Variants in ADGRV1 observed in about 807,000 individuals in gnomAD.
ADGRV1 encodes adhesion G protein-coupled receptor V1, also known as G-protein coupled receptor 98.
A neutral mutation model predicts 596.2 loss-of-function variants in ADGRV1; 359 were observed. The observed-to-expected ratio is 0.60, with a 90% CI of 0.55 to 0.66. ADGRV1 has a LOEUF of 0.66. ADGRV1 is among the 30% of genes least tolerant of loss of function. The pLI is 0.00. For missense variants in ADGRV1, 7,274 were observed against 7,575.6 expected (o/e 0.96, Z 1.48); for synonymous variants, 2,681 against 2,679.2 (o/e 1.00, Z -0.02).
chr5:90,933,405 T>G (rs1421910977), intron 83 of ADGRV1, among the ~76,000 whole-genome samples: 1 of 152,134 alleles, frequency 6.6e-6, no homozygotes, highest in Non-Finnish European at 1.5e-5. Context: ...GGAAGAAAGC[T>G]ATGCATGTAG....
chr5:90,671,648 G>T (rs1184212825), intron 21 of ADGRV1, among the ~76,000 whole-genome samples: 1 of 152,156 alleles, frequency 6.6e-6, no homozygotes, highest in African/African-American at 2.4e-5. Context: ...GATCAGAGAT[G>T]CTTATGGTTC....
intron 8 of ADGRV1, 28 bp from the exon 9 acceptor site, chr5:90,629,182 A>G: frequency 7.6e-7 from 1 of 1,315,208 alleles, no homozygotes; most frequent in African/African-American, 1.5e-5. Flanking sequence ...AGAATTCTGT[A>G]CTTTAATATT....
intron 83 of ADGRV1, among the ~76,000 whole-genome samples, chr5:90,925,149 T>A (rs535162067): frequency 1.7e-3 from 253 of 152,282 alleles, no homozygotes; most frequent in Middle Eastern, 3.4e-3. Context: ...TTAAAGTAGT[T>A]TTTTCCAATT....
chr5:90,595,977 C>T (rs1190980325), intron 1 of ADGRV1, among the ~76,000 whole-genome samples: 1 of 150,828 alleles, frequency 6.6e-6, no homozygotes, highest in African/African-American at 2.4e-5. Context: ...GGCGGAGAGG[C>T]TCCTCACTTT....
Position 90,619,195 on chromosome 5 carries a change from TTG to T in ADGRV1, c.453+15_453+16del. 8.7e-7 allele frequency: 1 copy of T among 1,146,060 alleles called. No homozygotes were observed. Among genetic ancestry groups the T allele is most frequent in the Non-Finnish European group, 1.2e-6 (1 of 826,266 alleles). The allele number at this position is 1,146,060 out of a possible 1,614,324, so 71.0% of individuals were successfully genotyped here. A position where few individuals can be genotyped will look rare whatever the true frequency, so the allele number is the denominator to read the frequency against. On this transcript the variant is annotated intron_variant, in intron 4 of 89. Coordinates refer to ENST00000405460, the MANE Select transcript of ADGRV1 (RefSeq NM_032119.4). ...TCATTTAATATGGTATGGACACAAT[TTG>T]ATGATAATTGTGGTTGCTAGATAAT... is the stretch of plus-strand genomic sequence containing the variant.
At chr5:90,977,851 T>C (rs914088217) in intron 84 of ADGRV1, among the ~76,000 whole-genome samples, 1 of 152,206 alleles carries the variant, frequency 6.6e-6, no homozygotes, top group Non-Finnish European at 1.5e-5. Context: ...CAGTTTAAAT[T>C]CCAATAGCCT....
intron 39 of ADGRV1, among the ~76,000 whole-genome samples, chr5:90,710,354 C>A (rs1465471592): frequency 6.6e-6 from 1 of 152,102 alleles, no homozygotes; most frequent in Non-Finnish European, 1.5e-5. Context: ...ACCAAAAAGC[C>A]AACCAGGAGC....
chr5:91,055,928 G>T (rs929728790), intron 85 of ADGRV1, among the ~76,000 whole-genome samples: 1 of 152,216 alleles, frequency 6.6e-6, no homozygotes, highest in Non-Finnish European at 1.5e-5. Context: ...AAATAAGTTT[G>T]TTTATTCCTG....
At chr5:90,746,907 G>A (rs557889458) in intron 52 of ADGRV1, among the ~76,000 whole-genome samples, 5 of 152,168 alleles carry the variant, frequency 3.3e-5, no homozygotes, top group South Asian at 2.1e-4. Context: ...AAAATAAGAC[G>A]GTAAAATTCT....
Position 91,164,119 on chromosome 5 carries a change from G to A in ADGRV1, c.*219G>A. The A allele has an allele frequency of 1.6e-6, 1 of 633,866 alleles. No individual in the cohort carries two copies. Among genetic ancestry groups the A allele is most frequent in the South Asian group, 1.6e-5 (1 of 61,914 alleles). 39.3% of individuals were successfully genotyped at this position (633,866 alleles called of 1,614,324 possible). On this transcript the variant is annotated 3_prime_UTR_variant, in exon 90 of 90. Transcript: ENST00000405460. Reference sequence around the variant, plus strand: ...TGGAGTCAGTTTGTATCAGTTAATAGGATGTTCATATTCCAAGGATATTAG... The same window carrying A: ...TGGAGTCAGTTTGTATCAGTTAATAAGATGTTCATATTCCAAGGATATTAG...
intron 1 of ADGRV1, among the ~76,000 whole-genome samples, chr5:90,578,610 G>A (rs527934412): frequency 3.3e-5 from 5 of 152,316 alleles, no homozygotes; most frequent in South Asian, 2.1e-4. Context: ...TTGGTATCAG[G>A]ATGATGCTGG....
At position 90,811,223 on chromosome 5, in the gene ADGRV1, G is replaced by GC; in HGVS notation, c.15965dup (p.Glu5323Ter). On this transcript the variant is annotated frameshift_variant, in exon 74 of 90. Coordinates refer to ENST00000405460, the MANE Select transcript of ADGRV1 (RefSeq NM_032119.4). LOFTEE classifies it high-confidence loss of function. ...CAGTTCAAATTTTGGATGATGATGAGCCTGAGGGGCAGGAATTCTTCTACG... is the reference window on the plus strand; with the variant it reads ...CAGTTCAAATTTTGGATGATGATGAGCCCTGAGGGGCAGGAATTCTTCTACG... 6.2e-7 allele frequency: 1 copy of GC among 1,613,034 alleles called. No homozygotes were observed. The highest frequency in any genetic ancestry group is 2.2e-5 in the East Asian group (1 of 44,870).
chr5:90,699,986 A>G (rs17622455), intron 34 of ADGRV1, among the ~76,000 whole-genome samples: 9,164 of 152,326 alleles, frequency 0.06, 370 homozygotes, highest in South Asian at 0.13. Flanking sequence ...TGTTTTCTAC[A>G]TAAAAGTTGG....
At chr5:91,005,418 A>G (rs929293531) in intron 85 of ADGRV1, among the ~76,000 whole-genome samples, 1 of 151,982 alleles carries the variant, frequency 6.6e-6, no homozygotes, top group African/African-American at 2.4e-5. Context: ...GCTCACTGCA[A>G]CCTCGCCTCC....
intron 86 of ADGRV1, among the ~76,000 whole-genome samples, chr5:91,079,877 G>T (rs1480359484): frequency 6.6e-6 from 1 of 152,068 alleles, no homozygotes; most frequent in Non-Finnish European, 1.5e-5. Flanking sequence ...ATATGGGACG[G>T]GGGTGAGAGA....
At chr5:90,915,658 C>T (rs968964566) in intron 83 of ADGRV1, among the ~76,000 whole-genome samples, 3 of 152,178 alleles carry the variant, frequency 2.0e-5, no homozygotes, top group Admixed American at 6.5e-5. Flanking sequence ...GTGATCAATG[C>T]ATGCTACCAA....
intron 84 of ADGRV1, among the ~76,000 whole-genome samples, chr5:90,967,504 T>C (rs992966049): frequency 6.6e-6 from 1 of 152,242 alleles, no homozygotes; most frequent in Non-Finnish European, 1.5e-5. Context: ...TGAGTTAAAC[T>C]TTTTTAAATG....
At chr5:90,719,150 T>G (rs1031829198) in intron 43 of ADGRV1, among the ~76,000 whole-genome samples, 2 of 151,952 alleles carry the variant, frequency 1.3e-5, no homozygotes, top group African/African-American at 4.8e-5. Flanking sequence ...GCCAACATAG[T>G]GAAACCCTAT....
At chr5:90,863,088 G>C (rs1046734821) in intron 82 of ADGRV1, among the ~76,000 whole-genome samples, 2 of 152,150 alleles carry the variant, frequency 1.3e-5, no homozygotes, top group African/African-American at 4.8e-5. Flanking sequence ...AAAAGCTTAA[G>C]TGAAAAAGCA....
Sources: allele counts gnomAD v4.1 joint callset (sites outside exome capture counted in the v4.1 genomes callset), GRCh38; gene constraint gnomAD v4.1.1; transcripts MANE v1.5; gene names NCBI Gene and HGNC (gene_info 2026-07-23, HGNC 2026-07-21).